Variants in HLA-DQB1 observed in about 807,000 individuals in gnomAD.
HLA-DQB1 encodes HLA class II histocompatibility antigen, DQ beta 1 chain.
In HLA-DQB1, 13 loss-of-function variants were observed where a neutral mutation model predicts 26.4. That is an observed-to-expected ratio of 0.49 (90% CI 0.32 to 0.78). HLA-DQB1 has a LOEUF of 0.78. HLA-DQB1 is among the 30% of genes least tolerant of loss of function. The pLI is 0.03. For synonymous variants in HLA-DQB1, 60 were observed against 129.1 expected (o/e 0.46, Z 3.63); for missense variants, 158 against 326.2 (o/e 0.48, Z 3.97).
intron 2 of HLA-DQB1, chr6:32,663,293 T>G (rs41270932): frequency 6.6e-6 from 1 of 151,338 alleles, no homozygotes; most frequent in African/African-American, 2.4e-5. Flanking sequence ...AAGTACTTGC[T>G]GGCATTAGGA....
At position 32,660,834 on chromosome 6, in the gene HLA-DQB1, C is replaced by T. The variant is rs200955452; in HGVS notation, c.772+513G>A. On this transcript the variant is annotated intron_variant, in intron 4 of 4. Coordinates refer to ENST00000434651, the Ensembl canonical transcript of HLA-DQB1. Reference sequence around the variant, plus strand: ...TCCCTCTTATACCTGTGCCTCCCCACACTGGATCATGGCTGAAATATTACC... The same window carrying T: ...TCCCTCTTATACCTGTGCCTCCCCATACTGGATCATGGCTGAAATATTACC... 0.018 allele frequency: 24,649 copies of T among 1,369,058 alleles called. 3,055 individuals carry two copies. In the East Asian group the frequency reaches 0.18, roughly 10 times the overall value. The allele number at this position is 1,369,058 out of a possible 1,614,324, so 84.8% of individuals were successfully genotyped here. A position where few individuals can be genotyped will look rare whatever the true frequency, so the allele number is the denominator to read the frequency against.
exon 5 of HLA-DQB1, chr6:32,660,165 G>A: frequency 1.4e-6 from 1 of 710,268 alleles, no homozygotes; most frequent in South Asian, 1.9e-5. Flanking sequence ...AGGCAGCTGG[G>A]AATTCTGGGC....
At position 32,661,980 on chromosome 6, in the gene HLA-DQB1, G is replaced by T. The variant is rs9273920; in HGVS notation, c.648C>A (p.Ile216=). 12 of 1,550,892 alleles carry T rather than the reference G, an allele frequency of 7.7e-6. No individual in the cohort carries two copies. In the Admixed American group the frequency reaches 2.1e-4, roughly 28 times the overall value. ...ATATCCCCTTACGCCACTCCACGGT[G>T]ATGGGGCTCTGGAGGCTGGGGTGCT... The change falls in exon 3 of 5, where the codon ATC becomes ATA. Residue 216 remains isoleucine (I), a synonymous_variant. Coordinates refer to ENST00000434651, the Ensembl canonical transcript of HLA-DQB1.
At chr6:32,664,555 G>C (rs148957557) in intron 2 of HLA-DQB1, 1 of 232,666 alleles carries the variant, frequency 4.3e-6, no homozygotes, top group Non-Finnish European at 7.7e-6. Context: ...GGACGAGGCC[G>C]ACGGACGGGG....
chr6:32,660,199 G>A (rs1063345), exon 5 of HLA-DQB1: 77,132 of 779,078 alleles, frequency 0.099, 20,551 homozygotes, highest in Admixed American at 0.31. Context: ...CATCACAGAA[G>A]AGTGATAACC....
rs281861320 is a variant in HLA-DQB1 at position 32,665,919 on chromosome 6, T to C, written c.109+580A>G. ...AAATTCAGTCCACCATTAACTCGGG[T>C]CTCTGAATCCCACTCAAGTCACCAT... is the stretch of plus-strand genomic sequence containing the variant. On this transcript the variant is annotated intron_variant, in intron 1 of 4. Transcript: ENST00000434651. Among the ~76,000 whole-genome samples the C allele has an allele frequency of 0.015, 2,031 of 137,288 alleles. 161 individuals carry two copies. In the South Asian group the frequency reaches 0.16, roughly 11 times the overall value. The allele number at this position is 137,288 out of a possible 152,430, so 90.1% of individuals were successfully genotyped here.
intron 1 of HLA-DQB1, among the ~76,000 whole-genome samples, chr6:32,665,846 G>T (rs281861376): frequency 8.0e-6 from 1 of 124,448 alleles, no homozygotes; most frequent in Admixed American, 8.4e-5. Context: ...TGAAGTGAGT[G>T]GTTTCACAAT....
rs9273551 is a variant in HLA-DQB1, at chr6:32,661,136, G to T, written c.772+211C>A. On this transcript the variant is annotated intron_variant, in intron 4 of 4. Transcript: ENST00000434651. Reference sequence around the variant, plus strand: ...CAGTGAGACAATGATGAATGGTAAGGATGCCCTGGAATAAGCTCTATCAGT... The same window carrying T: ...CAGTGAGACAATGATGAATGGTAAGTATGCCCTGGAATAAGCTCTATCAGT... 4.2e-4 allele frequency among the ~76,000 whole-genome samples: 49 copies of T among 115,546 alleles called. 1 individual carries two copies. The highest frequency in any genetic ancestry group is 4.5e-3 in the Middle Eastern group (1 of 224). 75.8% of individuals were successfully genotyped at this position (115,546 alleles called of 152,430 possible).
At chr6:32,660,930 ACT>A in intron 4 of HLA-DQB1, 1 of 1,299,656 alleles carries the variant, frequency 7.7e-7, no homozygotes, top group Non-Finnish European at 1.1e-6. Flanking sequence ...ACAAACAGCC[ACT>A]CTCTCACCCC....
intron 1 of HLA-DQB1, among the ~76,000 whole-genome samples, chr6:32,666,067 T>C (rs9274487): frequency 0.28 from 28,921 of 102,980 alleles, 4,686 homozygotes; most frequent in Middle Eastern, 0.46. Flanking sequence ...CAAATTTTCC[T>C]CAAATACAGA....
chr6:32,661,826 T>C (rs9273852), intron 3 of HLA-DQB1, 141 bp downstream of exon 3: 249,838 of 686,904 alleles, frequency 0.36, 49,268 homozygotes, highest in South Asian at 0.45. Context: ...CTGATGCACT[T>C]GCCATGGAGC....
At chr6:32,665,449 T>C (rs9274441) in intron 1 of HLA-DQB1, among the ~76,000 whole-genome samples, 89,791 of 125,978 alleles carry the variant, frequency 0.71, 34,962 homozygotes, top group East Asian at 0.87. Flanking sequence ...TCCACATAAA[T>C]CTGAGAGTTC....
chr6:32,665,784 C>G, intron 1 of HLA-DQB1, among the ~76,000 whole-genome samples: 1 of 130,284 alleles, frequency 7.7e-6, no homozygotes. Context: ...GATATCTACA[C>G]ACAGGATGTT....
intron 3 of HLA-DQB1, 198 bp from the exon 4 acceptor site, chr6:32,661,655 A>G (rs9273767): frequency 0.3 from 114,411 of 378,562 alleles, 33,558 homozygotes; most frequent in Non-Finnish European, 0.33. Flanking sequence ...TGGGGAAGCA[A>G]ATCTCTGCTC....
At position 32,660,195 on chromosome 6, in the gene HLA-DQB1, A is replaced by G; in HGVS notation, c.*41T>C. On this transcript the variant is annotated 3_prime_UTR_variant, in exon 5 of 5. Coordinates refer to ENST00000434651, the Ensembl canonical transcript of HLA-DQB1. ...CTGGGCAGGCATAAGCAGGCATCACAGAAGAGTGATAACCAATCCTAGTTA... is the reference window on the plus strand; with the variant it reads ...CTGGGCAGGCATAAGCAGGCATCACGGAAGAGTGATAACCAATCCTAGTTA... The G allele has an allele frequency of 2.3e-6, 2 of 857,026 alleles. 1 individual carries two copies. The highest frequency in any genetic ancestry group is 3.4e-6 in the Non-Finnish European group (2 of 580,874). 53.1% of individuals were successfully genotyped at this position (857,026 alleles called of 1,614,324 possible).
chr6:32,663,361 A>AC (rs41268297), intron 2 of HLA-DQB1: 1 of 94,802 alleles, frequency 1.1e-5, no homozygotes, highest in Non-Finnish European at 2.4e-5. Flanking sequence ...GTGAACCTGC[A>AC]TAGATAACAC....
intron 2 of HLA-DQB1, chr6:32,663,163 T>C (rs281863508): frequency 1.3e-5 from 2 of 149,512 alleles, no homozygotes; most frequent in African/African-American, 4.9e-5. Flanking sequence ...GAGTCAGCTA[T>C]GTGGCCTTAT....
chr6:32,660,408 G>T lies in HLA-DQB1; in HGVS notation c.773-159C>A, dbSNP rs905683505. ...CAAGATCTGTGCAAAGGTGAAATCA[G>T]CTCATGAGGACACAGAACTTCAGCT... On this transcript the variant is annotated intron_variant, in intron 4 of 4. Coordinates refer to ENST00000434651, the Ensembl canonical transcript of HLA-DQB1. The T allele has an allele frequency of 5.5e-5, 23 of 418,168 alleles. 3 individuals carry two copies. Among genetic ancestry groups the T allele is most frequent in the Non-Finnish European group, 1.0e-4 (23 of 230,106 alleles). 25.9% of individuals were successfully genotyped at this position (418,168 alleles called of 1,614,324 possible).
chr6:32,660,537 G>T, intron 4 of HLA-DQB1: 1 of 346,796 alleles, frequency 2.9e-6, no homozygotes, highest in Non-Finnish European at 5.2e-6. Flanking sequence ...CCGACCACTA[G>T]CAGCCTCTTT....
Sources: gnomAD v4.1 joint callset for allele counts (sites outside exome capture counted in the v4.1 genomes callset) on GRCh38, gnomAD v4.1.1 for gene constraint, MANE v1.5 for transcripts, NCBI Gene and HGNC (gene_info 2026-07-23, HGNC 2026-07-21) for gene names.